FARP1: variants seen among roughly 807,000 people sequenced by gnomAD.
The protein encoded by FARP1 is FERM, ARH/RhoGEF and pleckstrin domain protein 1.
A neutral mutation model predicts 128.8 loss-of-function variants in FARP1; 52 were observed. The ratio of observed to expected loss-of-function variants is 0.40; its 90% CI spans 0.32 to 0.51. The LOEUF (loss-of-function observed/expected upper bound fraction) is 0.51, where lower values mean the gene tolerates loss of function less well. Among genes scored for constraint, FARP1 ranks in the 20% least tolerant of loss-of-function variants. FARP1 has a pLI of 0.45. For missense variants in FARP1, 1,333 were observed against 1,367.9 expected (o/e 0.97, Z 0.40); for synonymous variants, 580 against 551.8 (o/e 1.05, Z -0.72).
chr13:98,444,823 G>A (rs1372752541), intron 24 of FARP1, among the ~76,000 whole-genome samples: 1 of 152,218 alleles, frequency 6.6e-6, no homozygotes, highest in East Asian at 1.9e-4. Flanking sequence ...CTAGGAAAGG[G>A]GAGTGTGCCA....
At chr13:98,299,742 T>G (rs527868810) in intron 2 of FARP1, among the ~76,000 whole-genome samples, 1 of 152,310 alleles carries the variant, frequency 6.6e-6, no homozygotes, top group South Asian at 2.1e-4. Flanking sequence ...AAATAAACAG[T>G]AACAAAAAGC....
chr13:98,414,708 T>G (rs1232164749), intron 16 of FARP1, among the ~76,000 whole-genome samples: 3 of 152,150 alleles, frequency 2.0e-5, no homozygotes, highest in African/African-American at 4.8e-5. Context: ...CTAAAATGCC[T>G]CATTAAAAAG....
chr13:98,277,148 A>ACACACCCC (rs372627844), intron 2 of FARP1, among the ~76,000 whole-genome samples: 10 of 138,580 alleles, frequency 7.2e-5, no homozygotes, highest in South Asian at 4.6e-4. Flanking sequence ...ACACACACAC[A>ACACACCCC]CCCCATATGT....
At chr13:98,228,184 C>A (rs570685137) in intron 2 of FARP1, among the ~76,000 whole-genome samples, 1 of 152,184 alleles carries the variant, frequency 6.6e-6, no homozygotes, top group African/African-American at 2.4e-5. Context: ...CATGGTGAAA[C>A]CCTGTCTCTA....
At chr13:98,286,879 T>C (rs1357970908) in intron 2 of FARP1, among the ~76,000 whole-genome samples, 1 of 152,246 alleles carries the variant, frequency 6.6e-6, no homozygotes. Context: ...GCTTCAGGGA[T>C]CCTTGCTGTA....
At chr13:98,152,962 C>T (rs1876119759) in intron 1 of FARP1, among the ~76,000 whole-genome samples, 1 of 152,032 alleles carries the variant, frequency 6.6e-6, no homozygotes, top group African/African-American at 2.4e-5. Flanking sequence ...GAGAGTATTG[C>T]TTCATTTCTT....
In FARP1 at chr13:98,424,669, G is replaced by A. The variant is rs780861104; in HGVS notation, c.1905+19G>A. The stretch of plus-strand genomic sequence containing the variant: ...CATGAAGGTGAGCTGGTTGAGATTT[G>A]GGTGGAGCAAGGTTCACCAAGGAGA... On this transcript the variant is annotated intron_variant, in intron 17 of 26. Transcript: ENST00000319562. 36 of 1,578,220 alleles carry A rather than the reference G, an allele frequency of 2.3e-5. 1 individual carries two copies. In the South Asian group the frequency reaches 3.4e-4, roughly 15 times the overall value.
intron 13 of FARP1, chr13:98,400,300 G>C (rs1890708587): frequency 6.6e-6 from 1 of 152,190 alleles, no homozygotes; most frequent in Admixed American, 6.5e-5. Flanking sequence ...CCTGGAATTT[G>C]GTGCCAAAAA....
At chr13:98,157,324 C>A (rs921711167) in intron 1 of FARP1, among the ~76,000 whole-genome samples, 2 of 151,546 alleles carry the variant, frequency 1.3e-5, no homozygotes, top group Non-Finnish European at 2.9e-5. Flanking sequence ...CCTGATCAGT[C>A]CCCCTCCCCC....
chr13:98,224,003 A>C (rs1881590255), intron 2 of FARP1, among the ~76,000 whole-genome samples: 2 of 152,226 alleles, frequency 1.3e-5, no homozygotes, highest in African/African-American at 4.8e-5. Flanking sequence ...CTATTATCCC[A>C]TCTTCCAGTG....
At chr13:98,396,658 A>C in intron 13 of FARP1, 2 of 396,686 alleles carry the variant, frequency 5.0e-6, no homozygotes, top group Admixed American at 4.4e-5. Context: ...TAAAATCGTT[A>C]AGAAAAACAA....
intron 2 of FARP1, among the ~76,000 whole-genome samples, chr13:98,337,895 T>C (rs981124612): frequency 3.3e-5 from 5 of 152,222 alleles, no homozygotes; most frequent in Non-Finnish European, 7.3e-5. Flanking sequence ...AAAGAAATAT[T>C]AGCAATTATT....
At chr13:98,379,198 TATATATATA>T (rs1566935436) in intron 6 of FARP1, among the ~76,000 whole-genome samples, 1 of 62,682 alleles carries the variant, frequency 1.6e-5, no homozygotes, top group East Asian at 5.2e-4. Context: ...TAATATATAA[TATATATATA>T]ATATATAATA....
intron 1 of FARP1, among the ~76,000 whole-genome samples, chr13:98,191,632 T>A (rs1167438385): frequency 6.6e-6 from 1 of 152,220 alleles, no homozygotes; most frequent in African/African-American, 2.4e-5. Context: ...AATATAGCAA[T>A]AAGACCAACC....
chr13:98,446,062 C>T, intron 24 of FARP1, 36 bp from the exon 25 acceptor site: 2 of 1,423,292 alleles, frequency 1.4e-6, no homozygotes, highest in Non-Finnish European at 2.0e-6. Context: ...GGGGCAGGTG[C>T]CCGCTGTGCT....
rs34250002 is a variant in FARP1, at chr13:98,151,660, C to CTTTTT, written c.-24+8183_-24+8187dup. ...AAACCTGCCCTTATATATCTTCCATCTTTTTTTTTTTTTTTTTTTGAGACG... is the reference window on the plus strand; with the variant it reads ...AAACCTGCCCTTATATATCTTCCATCTTTTTTTTTTTTTTTTTTTTTTTTGAGACG... On this transcript the variant is annotated intron_variant, in intron 1 of 26. Transcript: ENST00000319562. Among the ~76,000 whole-genome samples the CTTTTT allele has an allele frequency of 5.3e-4, 37 of 69,222 alleles. 8 individuals carry two copies. Among genetic ancestry groups the CTTTTT allele is most frequent in the African/African-American group, 1.2e-3 (27 of 22,882 alleles). 45.4% of individuals were successfully genotyped at this position (69,222 alleles called of 152,430 possible).
At position 98,337,226 on chromosome 13, in the gene FARP1, A is replaced by C. The variant is rs545647910; in HGVS notation, c.172-6536A>C. The stretch of plus-strand genomic sequence containing the variant: ...TACTAAAAATAAAAATAAAAACATC[A>C]GCCAGATGCGGTTTTGCGCTCCTGT... On this transcript the variant is annotated intron_variant, in intron 2 of 26. Transcript: ENST00000319562. 3.9e-5 allele frequency among the ~76,000 whole-genome samples: 6 copies of C among 152,216 alleles called. No individual in the cohort carries two copies. In the East Asian group the frequency reaches 1.2e-3, roughly 29 times the overall value.
rs544162511 is a variant in FARP1, at chr13:98,299,568, A to T, written c.172-44194A>T. On this transcript the variant is annotated intron_variant, in intron 2 of 26. Coordinates refer to ENST00000319562, the MANE Select transcript of FARP1 (RefSeq NM_005766.4). ...CTCCTGGGTGGCAACATAAATGCTA[A>T]AGTAGGAAAAATATTAGTAAAGATA... is the stretch of plus-strand genomic sequence containing the variant. Among the ~76,000 whole-genome samples, 9 of 152,332 alleles carry T rather than the reference A, an allele frequency of 5.9e-5. No individual in the cohort carries two copies. The East Asian group carries it at 1.7e-3, about 29-fold the overall frequency.
At chr13:98,391,194 T>A (rs1890292040) in intron 11 of FARP1, among the ~76,000 whole-genome samples, 1 of 152,212 alleles carries the variant, frequency 6.6e-6, no homozygotes, top group African/African-American at 2.4e-5. Flanking sequence ...AGCTCACTGG[T>A]GAGTCCTTCA....
Sources: gnomAD v4.1 joint callset for allele counts (sites outside exome capture counted in the v4.1 genomes callset) on GRCh38, gnomAD v4.1.1 for gene constraint, MANE v1.5 for transcripts, NCBI Gene and HGNC (gene_info 2026-07-23, HGNC 2026-07-21) for gene names.